Variants in WASF1 observed in about 807,000 individuals in gnomAD.
WASF1 encodes actin-binding protein WASF1.
Under a neutral mutation model 50.5 loss-of-function variants are expected in WASF1, and 7 were observed. The observed-to-expected ratio is 0.14, with a 90% CI of 0.08 to 0.26. The LOEUF is 0.26. Ranked by LOEUF, WASF1 falls within the 10% of genes least tolerant of loss-of-function variation. WASF1 has a pLI of 1.00. For missense variants in WASF1, 470 were observed against 694.7 expected, an observed-to-expected ratio of 0.68 and a Z score of 3.64; for synonymous variants, 205 against 244.0, an observed-to-expected ratio of 0.84 and a Z score of 1.49.
rs144619863 is a variant in WASF1, at chr6:110,178,600, AG to A, written c.-130del. On this transcript the variant is annotated 5_prime_UTR_variant, in exon 2 of 11. Coordinates refer to ENST00000392589, the MANE Select transcript of WASF1 (RefSeq NM_003931.3). ...TAGAGTAAGTCGTATTTAAGTACCTAGTCTAGCTGGGGATCAATTAATTAAT... is the reference window on the plus strand; with the variant it reads ...TAGAGTAAGTCGTATTTAAGTACCTATCTAGCTGGGGATCAATTAATTAAT... 0.018 allele frequency: 2,781 copies of A among 152,728 alleles called. 56 individuals carry two copies. Among genetic ancestry groups the A allele is most frequent in the Non-Finnish European group, 0.023 (1,545 of 68,030 alleles). 9.5% of individuals were successfully genotyped at this position (152,728 alleles called of 1,614,324 possible). A position where few individuals can be genotyped will look rare whatever the true frequency, so the allele number is the denominator to read the frequency against.
At chr6:110,127,730 A>T (rs1774478857) in intron 3 of WASF1, 101 bp from the exon 4 acceptor site, 9 of 1,138,286 alleles carry the variant, frequency 7.9e-6, no homozygotes, top group Non-Finnish European at 1.0e-5. Context: ...ACCCTTGAAC[A>T]ACATGGATTT....
chr6:110,133,742 T>C (rs1374664625), intron 3 of WASF1, among the ~76,000 whole-genome samples: 3 of 152,144 alleles, frequency 2.0e-5, no homozygotes, highest in Non-Finnish European at 4.4e-5. Context: ...TTTTTTCTGA[T>C]ATTTGAGTTC....
chr6:110,103,000 C>T (rs973972926), intron 9 of WASF1, among the ~76,000 whole-genome samples: 1 of 152,062 alleles, frequency 6.6e-6, no homozygotes, highest in Non-Finnish European at 1.5e-5. Context: ...CCAAAAAATC[C>T]TTAATTTTTC....
rs537303472 is a variant in WASF1 at position 110,172,320 on chromosome 6, T to A, written c.-127+6278A>T. 2.0e-5 allele frequency among the ~76,000 whole-genome samples: 3 copies of A among 152,226 alleles called. No homozygotes were observed. In the East Asian group the frequency reaches 5.8e-4, roughly 29 times the overall value. ...AATGACAGACTGGATTAAGCAAATGTGGCACATATACACCATGGAATAATT... is the reference window on the plus strand; with the variant it reads ...AATGACAGACTGGATTAAGCAAATGAGGCACATATACACCATGGAATAATT... On this transcript the variant is annotated intron_variant, in intron 2 of 10. Coordinates refer to ENST00000392589, the MANE Select transcript of WASF1 (RefSeq NM_003931.3).
At chr6:110,120,715 G>C (rs1287631055) in intron 4 of WASF1, among the ~76,000 whole-genome samples, 1 of 152,210 alleles carries the variant, frequency 6.6e-6, no homozygotes, top group Non-Finnish European at 1.5e-5. Context: ...CAAAAAAAGA[G>C]CCTGCATAGC....
chr6:110,135,115 T>A (rs1328353604), intron 3 of WASF1, among the ~76,000 whole-genome samples: 1 of 152,230 alleles, frequency 6.6e-6, no homozygotes, highest in Non-Finnish European at 1.5e-5. Flanking sequence ...AAGTATTTTA[T>A]TTTATTTGTT....
chr6:110,146,551 T>C (rs929887911), intron 3 of WASF1, among the ~76,000 whole-genome samples: 1 of 151,782 alleles, frequency 6.6e-6, no homozygotes, highest in Admixed American at 6.6e-5. Context: ...AAAATATATA[T>C]ATCTAACTTT....
At chr6:110,150,683 G>T (rs1172279217) in intron 3 of WASF1, among the ~76,000 whole-genome samples, 2 of 152,148 alleles carry the variant, frequency 1.3e-5, no homozygotes, top group Admixed American at 6.5e-5. Flanking sequence ...TTTTAAAAAA[G>T]CAATCAAATT....
At chr6:110,173,018 G>A (rs1372973463) in intron 2 of WASF1, among the ~76,000 whole-genome samples, 1 of 151,918 alleles carries the variant, frequency 6.6e-6, no homozygotes. Flanking sequence ...ACAATTCTCT[G>A]GCATAACCTG....
intron 1 of WASF1, 92 bp from the exon 2 acceptor site, chr6:110,178,834 G>C (rs1228867219): frequency 1.3e-5 from 2 of 152,554 alleles, no homozygotes; most frequent in African/African-American, 4.8e-5. Flanking sequence ...GAGTCCTGCC[G>C]ACATGAGCGC....
chr6:110,168,689 C>A (rs754413632), intron 2 of WASF1, among the ~76,000 whole-genome samples: 2 of 152,056 alleles, frequency 1.3e-5, no homozygotes, highest in Non-Finnish European at 2.9e-5. Context: ...ACTGCCAGTA[C>A]TTCCAGTCCT....
intron 3 of WASF1, among the ~76,000 whole-genome samples, chr6:110,133,247 T>C (rs992670248): frequency 6.6e-6 from 1 of 152,232 alleles, no homozygotes; most frequent in African/African-American, 2.4e-5. Flanking sequence ...TGTGCTGCTA[T>C]ATACATGCTA....
chr6:110,154,454 A>G (rs1266648298), intron 3 of WASF1, among the ~76,000 whole-genome samples: 1 of 152,082 alleles, frequency 6.6e-6, no homozygotes, highest in Non-Finnish European at 1.5e-5. Context: ...TTGAGCCAGG[A>G]CAGTAATTGC....
At chr6:110,120,024 A>T (rs570778019) in intron 4 of WASF1, among the ~76,000 whole-genome samples, 25 of 152,338 alleles carry the variant, frequency 1.6e-4, no homozygotes, top group African/African-American at 6.0e-4. Context: ...TAAACTAGGT[A>T]TTGATGGAAC....
intron 4 of WASF1, among the ~76,000 whole-genome samples, chr6:110,120,169 C>T (rs1057234090): frequency 2.6e-5 from 4 of 151,932 alleles, no homozygotes; most frequent in African/African-American, 9.7e-5. Flanking sequence ...CTATTCAACA[C>T]AGTGTTGGAA....
chr6:110,146,142 T>C (rs1227778085), intron 3 of WASF1, among the ~76,000 whole-genome samples: 1 of 152,192 alleles, frequency 6.6e-6, no homozygotes, highest in Non-Finnish European at 1.5e-5. Context: ...TAACAAAAAA[T>C]ATAATTTTCA....
Position 110,175,288 on chromosome 6 carries a change from A to G in WASF1, c.-127+3310T>C, listed in dbSNP as rs561172142. 1.1e-4 allele frequency among the ~76,000 whole-genome samples: 17 copies of G among 152,296 alleles called. No homozygotes were observed. In the South Asian group the frequency reaches 3.5e-3, roughly 32 times the overall value. On this transcript the variant is annotated intron_variant, in intron 2 of 10. Coordinates refer to ENST00000392589, the MANE Select transcript of WASF1 (RefSeq NM_003931.3). ...ATAGCTCAAAATAAGGAAACAAAGGAAACAATCCAAAAGAAAAATCCTGTT... is the reference window on the plus strand; with the variant it reads ...ATAGCTCAAAATAAGGAAACAAAGGGAACAATCCAAAAGAAAAATCCTGTT...
chr6:110,173,694 T>G (rs1776810279), intron 2 of WASF1, among the ~76,000 whole-genome samples: 3 of 152,190 alleles, frequency 2.0e-5, no homozygotes. Context: ...CAGGACTCTG[T>G]GCATCTGCTT....
chr6:110,148,925 C>T (rs1775700477), intron 3 of WASF1, among the ~76,000 whole-genome samples: 1 of 152,136 alleles, frequency 6.6e-6, no homozygotes, highest in African/African-American at 2.4e-5. Context: ...AGGGGTGAAG[C>T]CCAAGTTCTT....
Sources: allele counts gnomAD v4.1 joint callset (sites outside exome capture counted in the v4.1 genomes callset), GRCh38; gene constraint gnomAD v4.1.1; transcripts MANE v1.5; gene names NCBI Gene and HGNC (gene_info 2026-07-23, HGNC 2026-07-21).